SVBP: variants seen among roughly 807,000 people sequenced by gnomAD.
SVBP encodes the protein small vasohibin-binding protein.
A neutral mutation model predicts 9.2 loss-of-function variants in SVBP; 9 were observed. The ratio of observed to expected loss-of-function variants is 0.98; its 90% CI spans 0.59 to 1.71. The LOEUF (loss-of-function observed/expected upper bound fraction) is 1.71. Among genes scored for constraint, SVBP ranks in the 40% most tolerant of loss-of-function variants. The probability of loss-of-function intolerance (pLI) is 0.00; values close to 1 mark genes in which losing one functional copy is unlikely to be tolerated. For synonymous variants in SVBP, 27 were observed against 23.9 expected, an observed-to-expected ratio of 1.13 and a Z score of -0.37; for missense variants, 63 against 73.2, an observed-to-expected ratio of 0.86 and a Z score of 0.51.
At chr1:42,810,349 T>C (rs1386124487) in intron 2 of SVBP, among the ~76,000 whole-genome samples, 2 of 152,110 alleles carry the variant, frequency 1.3e-5, no homozygotes, top group African/African-American at 2.4e-5. Flanking sequence ...GATTTCACCA[T>C]GTTGGCCAGG....
chr1:42,809,189 C>G (rs1654029225), intron 2 of SVBP: 1 of 151,970 alleles, frequency 6.6e-6, no homozygotes, highest in South Asian at 2.1e-4. Context: ...AATCCACCCA[C>G]TAAGAACAGA....
rs1653975879 is a variant in SVBP at position 42,807,154 on chromosome 1, T to TTTTG, written c.*259_*260insCAAA. 3 of 92,448 alleles carry TTTTG rather than the reference T, an allele frequency of 3.2e-5. No individual in the cohort carries two copies. The highest frequency in any genetic ancestry group is 6.2e-5 in the Non-Finnish European group (3 of 48,484). 5.7% of individuals were successfully genotyped at this position (92,448 alleles called of 1,614,324 possible). Reference sequence around the variant, plus strand: ...ATAGAAAAAGTGTTTTTTGTGTGTGTTTTTTTTTTTTTTTTAAAAAAACCC... The same window carrying TTTTG: ...ATAGAAAAAGTGTTTTTTGTGTGTGTTTTGTTTTTTTTTTTTTTTAAAAAAACCC... On this transcript the variant is annotated 3_prime_UTR_variant, in exon 3 of 3. Coordinates refer to ENST00000372521, the MANE Select transcript of SVBP (RefSeq NM_199342.4).
rs753684731 is a variant in SVBP, at chr1:42,807,171, A to ATTT, written c.*242_*243insAAA. On this transcript the variant is annotated 3_prime_UTR_variant, in exon 3 of 3. Transcript: ENST00000372521. The stretch of plus-strand genomic sequence containing the variant: ...TGTGTGTGTTTTTTTTTTTTTTTTA[A>ATTT]AAAAACCCAAAAAACAAAACCACTG... 3.8e-3 allele frequency: 866 copies of ATTT among 226,168 alleles called. 3 individuals are homozygous for ATTT. Among genetic ancestry groups the ATTT allele is most frequent in the African/African-American group, 0.015 (630 of 41,748 alleles). 14.0% of individuals were successfully genotyped at this position (226,168 alleles called of 1,614,324 possible). A position where few individuals can be genotyped will look rare whatever the true frequency, so the allele number is the denominator to read the frequency against.
In SVBP at chr1:42,810,391, C is replaced by A. The variant is rs531090269; in HGVS notation, c.115-2891G>T. On this transcript the variant is annotated intron_variant, in intron 2 of 2. Transcript: ENST00000372521. ...TTGATCTCCTGACCTCGTGATCTGC[C>A]CACCTTGGCCTCCCAAAGTGCTGGG... is the stretch of plus-strand genomic sequence containing the variant. Among the ~76,000 whole-genome samples the A allele has an allele frequency of 2.6e-5, 4 of 152,172 alleles. No homozygotes were observed. In the East Asian group the frequency reaches 7.7e-4, roughly 29 times the overall value.
At position 42,807,169 on chromosome 1, in the gene SVBP, TA is replaced by T. The variant is rs199697064; in HGVS notation, c.*244del. The T allele has an allele frequency of 8.5e-4, 227 of 268,604 alleles. No individual in the cohort carries two copies. The highest frequency in any genetic ancestry group is 1.1e-3 in the Middle Eastern group (1 of 908). The allele number at this position is 268,604 out of a possible 1,614,324, so 16.6% of individuals were successfully genotyped here. On this transcript the variant is annotated 3_prime_UTR_variant, in exon 3 of 3. Coordinates refer to ENST00000372521, the MANE Select transcript of SVBP (RefSeq NM_199342.4). Reference sequence around the variant, plus strand: ...TTTGTGTGTGTTTTTTTTTTTTTTTTAAAAAAACCCAAAAAACAAAACCACT... The same window carrying T: ...TTTGTGTGTGTTTTTTTTTTTTTTTTAAAAAACCCAAAAAACAAAACCACT...
At chr1:42,808,817 C>T (rs1434714754) in intron 2 of SVBP, among the ~76,000 whole-genome samples, 2 of 152,078 alleles carry the variant, frequency 1.3e-5, no homozygotes, top group East Asian at 1.9e-4. Flanking sequence ...CTGCATCAGC[C>T]TCCCAAGTAG....
chr1:42,817,056 C>T (rs1654235681), intron 1 of SVBP, 134 bp downstream of exon 1: 1 of 176,708 alleles, frequency 5.7e-6, no homozygotes, highest in African/African-American at 2.4e-5. Context: ...GCCCGCCCCC[C>T]ACCGCCCGGC....
At position 42,807,482 on chromosome 1, in the gene SVBP, C is replaced by T. The variant is rs758965971; in HGVS notation, c.133G>A (p.Val45Ile). The stretch of plus-strand genomic sequence containing the variant: ...TGCTGCTGCTCCAGTTCTGTCATGA[C>T]TCTGTTGAGGGCATAGATCTGAATG... ...QRAEIYALNR[V>I]MTELEQQQFD... Residue 45 changes from valine to isoleucine, a missense_variant, in exon 3 of 3, where the codon GTC (valine) becomes ATC (isoleucine). Coordinates refer to ENST00000372521, the MANE Select transcript of SVBP (RefSeq NM_199342.4). 2.5e-6 allele frequency: 4 copies of T among 1,613,660 alleles called. No homozygotes were observed. The Admixed American group carries it at 6.7e-5, about 27-fold the overall frequency.
Position 42,810,963 on chromosome 1 carries a change from A to C in SVBP, c.115-3463T>G, listed in dbSNP as rs562706056. On this transcript the variant is annotated intron_variant, in intron 2 of 2. Coordinates refer to ENST00000372521, the MANE Select transcript of SVBP (RefSeq NM_199342.4). ...GAGACCAGCCTGACCAACATGGTGA[A>C]AGTCCATCTCTACTAAAAATACAAA... is the stretch of plus-strand genomic sequence containing the variant. Among the ~76,000 whole-genome samples, 18 of 152,282 alleles carry C rather than the reference A, an allele frequency of 1.2e-4. 2 individuals carry two copies. Among genetic ancestry groups the C allele is most frequent in the African/African-American group, 4.1e-4 (17 of 41,558 alleles).
At chr1:42,807,591 C>A (rs1653988514) in intron 2 of SVBP, 91 bp from the exon 3 acceptor site, 1 of 938,486 alleles carries the variant, frequency 1.1e-6, no homozygotes, top group East Asian at 2.4e-5. Flanking sequence ...CTGAAAATAC[C>A]AGAATTTCAC....
At position 42,817,295 on chromosome 1, in the gene SVBP, T is replaced by G. The variant is rs886290893; in HGVS notation, c.-142A>C. 8.4e-7 allele frequency: 1 copy of G among 1,188,980 alleles called. No homozygotes were observed. The highest frequency in any genetic ancestry group is 1.1e-6 in the Non-Finnish European group (1 of 922,828). The allele number at this position is 1,188,980 out of a possible 1,614,324, so 73.7% of individuals were successfully genotyped here. On this transcript the variant is annotated 5_prime_UTR_variant, in exon 1 of 3. Coordinates refer to ENST00000372521, the MANE Select transcript of SVBP (RefSeq NM_199342.4). ...CCCGACCACTGGACCCAGCGCTGCC[T>G]GCCCACCGCCCCTCGTCCTGGGCGG... is the stretch of plus-strand genomic sequence containing the variant.
At chr1:42,810,101 C>CACACACACACACATACAT (rs1654047011) in intron 2 of SVBP, among the ~76,000 whole-genome samples, 4 of 141,142 alleles carry the variant, frequency 2.8e-5, no homozygotes, top group Admixed American at 2.8e-4. Flanking sequence ...TTTTAACACA[C>CACACACACACACATACAT]ACACACACAC....
chr1:42,810,845 T>C (rs542103804), intron 2 of SVBP, among the ~76,000 whole-genome samples: 13 of 152,238 alleles, frequency 8.5e-5, no homozygotes, highest in Admixed American at 1.3e-4. Context: ...GCAATAAAGA[T>C]TAAAAACAAA....
In SVBP at chr1:42,807,315, TG is replaced by T; in HGVS notation, c.*98del. On this transcript the variant is annotated 3_prime_UTR_variant, in exon 3 of 3. Coordinates refer to ENST00000372521, the MANE Select transcript of SVBP (RefSeq NM_199342.4). ...TTCAGATTTATCCACAAATGTCTTC[TG>T]GTCTAGTTCTGTAAGGCTCCAAATG... The T allele has an allele frequency of 1.3e-6, 1 of 771,912 alleles. No individual in the cohort carries two copies. Among genetic ancestry groups the T allele is most frequent in the Non-Finnish European group, 2.2e-6 (1 of 444,560 alleles). The allele number at this position is 771,912 out of a possible 1,614,324, so 47.8% of individuals were successfully genotyped here. A position where few individuals can be genotyped will look rare whatever the true frequency, so the allele number is the denominator to read the frequency against.
intron 2 of SVBP, among the ~76,000 whole-genome samples, chr1:42,808,199 A>G (rs369771376): frequency 1.8e-4 from 25 of 139,748 alleles, no homozygotes; most frequent in African/African-American, 6.1e-4. Context: ...TATAGTATAT[A>G]TAGCTTATAT....
intron 2 of SVBP, chr1:42,816,154 C>A: frequency 2.7e-6 from 1 of 370,558 alleles, no homozygotes; most frequent in Admixed American, 4.7e-5. Flanking sequence ...CCCTTCTTTC[C>A]CCTTACATAT....
chr1:42,812,439 G>C (rs1001947436), intron 2 of SVBP, among the ~76,000 whole-genome samples: 5 of 152,098 alleles, frequency 3.3e-5, no homozygotes, highest in African/African-American at 1.2e-4. Context: ...TTTATTTAAT[G>C]AAATATTAAA....
At chr1:42,813,009 A>T (rs557794246) in intron 2 of SVBP, among the ~76,000 whole-genome samples, 205 of 152,298 alleles carry the variant, frequency 1.3e-3, no homozygotes, top group African/African-American at 4.7e-3. Flanking sequence ...TTAAGACCAA[A>T]CTATGTGAAA....
At chr1:42,815,339 C>A (rs1654175415) in intron 2 of SVBP, among the ~76,000 whole-genome samples, 1 of 149,800 alleles carries the variant, frequency 6.7e-6, no homozygotes, top group Admixed American at 6.7e-5. Context: ...GCATGTTGTG[C>A]ACAGGTACCC....
Sources: gnomAD v4.1 joint callset for allele counts (sites outside exome capture counted in the v4.1 genomes callset) on GRCh38, gnomAD v4.1.1 for gene constraint, MANE v1.5 for transcripts, NCBI Gene and HGNC (gene_info 2026-07-23, HGNC 2026-07-21) for gene names.